The following BBS4 variants were observed in gnomAD, a reference collection of about 807,000 sequenced individuals.
BBS4 encodes BBSome complex member BBS4.
A neutral mutation model predicts 71.4 loss-of-function variants in BBS4; 58 were observed. That is an observed-to-expected ratio of 0.81 (90% CI 0.66 to 1.01). The LOEUF is 1.01. Ranked by LOEUF, BBS4 falls within the 50% of genes least tolerant of loss-of-function variation. The pLI is 0.00. For missense variants in BBS4, 660 were observed against 607.9 expected (o/e 1.09, Z -0.90); for synonymous variants, 228 against 216.8 (o/e 1.05, Z -0.46).
chr15:72,702,957 G>A (rs1476666418), intron 2 of BBS4, among the ~76,000 whole-genome samples: 13 of 149,996 alleles, frequency 8.7e-5, no homozygotes, highest in Admixed American at 6.7e-4. Flanking sequence ...ACAGGCGCCC[G>A]CCACTACGCC....
chr15:72,719,312 T>G (rs1469240264), intron 6 of BBS4, among the ~76,000 whole-genome samples: 1 of 150,672 alleles, frequency 6.6e-6, no homozygotes, highest in Non-Finnish European at 1.5e-5. Flanking sequence ...TGGAGTATAG[T>G]GGGGTGATCA....
chr15:72,714,348 C>G (rs1157958036), intron 4 of BBS4, among the ~76,000 whole-genome samples: 1 of 151,870 alleles, frequency 6.6e-6, no homozygotes, highest in Non-Finnish European at 1.5e-5. Flanking sequence ...GCCTCAGCCC[C>G]CCTATTAGCT....
intron 6 of BBS4, 101 bp from the exon 7 acceptor site, chr15:72,722,693 A>G (rs2065599086): frequency 9.3e-7 from 1 of 1,070,638 alleles, no homozygotes; most frequent in East Asian, 2.4e-5. Context: ...TAAAGTTTAA[A>G]CCTTGCCGAG....
At chr15:72,722,991 TTTAA>T in intron 7 of BBS4, 144 bp downstream of exon 7, 1 of 708,290 alleles carries the variant, frequency 1.4e-6, no homozygotes, top group East Asian at 2.7e-5. Context: ...TTTTTTCTGT[TTTAA>T]TTCTCACTTG....
chr15:72,736,087 C>T (rs1206570442), intron 14 of BBS4, 121 bp downstream of exon 14: 2 of 1,140,068 alleles, frequency 1.8e-6, no homozygotes, highest in African/African-American at 1.6e-5. Flanking sequence ...CTTTGATGTT[C>T]CTAGCAGCAT....
intron 1 of BBS4, among the ~76,000 whole-genome samples, chr15:72,692,461 G>A (rs917642621): frequency 2.7e-5 from 4 of 150,812 alleles, no homozygotes; most frequent in African/African-American, 7.3e-5. Flanking sequence ...GACCACAGGC[G>A]CAGGCCACAC....
Position 72,736,746 on chromosome 15 carries a change from C to T in BBS4, c.1249-16C>T, listed in dbSNP as rs367555365. The T allele has an allele frequency of 1.2e-6, 2 of 1,613,790 alleles. No homozygotes were observed. The highest frequency in any genetic ancestry group is 1.7e-6 in the Non-Finnish European group (2 of 1,179,834). Reference sequence around the variant, plus strand: ...AGTCACGCTTTTGATTCTTTTACTTCCTTTGTGGACACAAGATGGTGGAGA... The same window carrying T: ...AGTCACGCTTTTGATTCTTTTACTTTCTTTGTGGACACAAGATGGTGGAGA... On this transcript the variant is annotated splice_polypyrimidine_tract_variant and intron_variant, in intron 14 of 15. Coordinates refer to ENST00000268057, the MANE Select transcript of BBS4 (RefSeq NM_033028.5).
At chr15:72,690,702 C>T (rs1022330188) in intron 1 of BBS4, among the ~76,000 whole-genome samples, 3 of 152,122 alleles carry the variant, frequency 2.0e-5, no homozygotes, top group Non-Finnish European at 4.4e-5. Flanking sequence ...AAAACATGTC[C>T]ATCACTCCAG....
In BBS4 at chr15:72,736,979, G is replaced by A. The variant is rs1567435462; in HGVS notation, c.1450+16G>A. 6.2e-7 allele frequency: 1 copy of A among 1,613,330 alleles called. No homozygotes were observed. Among genetic ancestry groups the A allele is most frequent in the Admixed American group, 1.7e-5 (1 of 60,014 alleles). ...CTCCCCTCAGGTAGGACCATACAGA[G>A]CTCCATGAAGACCTGGCAGGTACAA... On this transcript the variant is annotated intron_variant, in intron 15 of 15. Transcript: ENST00000268057.
At chr15:72,721,485 T>A (rs767811237) in intron 6 of BBS4, among the ~76,000 whole-genome samples, 29 of 152,008 alleles carry the variant, frequency 1.9e-4, no homozygotes, top group Non-Finnish European at 3.2e-4. Context: ...AAAAAAAAAA[T>A]CCCAATACTC....
chr15:72,730,285 AAAAAAAAT>A (rs1324850195), intron 10 of BBS4, among the ~76,000 whole-genome samples: 3 of 147,626 alleles, frequency 2.0e-5, no homozygotes, highest in African/African-American at 5.0e-5. Context: ...TCTCAAAAAA[AAAAAAAAT>A]AAAAAATAAA....
At chr15:72,722,202 C>T (rs76532721) in intron 6 of BBS4, among the ~76,000 whole-genome samples, 1 of 152,214 alleles carries the variant, frequency 6.6e-6, no homozygotes, top group African/African-American at 2.4e-5. Flanking sequence ...CCATAGTTTT[C>T]CCATGTCAGC....
chr15:72,704,568 A>G, intron 2 of BBS4: 1 of 686,176 alleles, frequency 1.5e-6, no homozygotes, highest in Non-Finnish European at 2.2e-6. Flanking sequence ...TGATAAGTAG[A>G]TAATAATGGT....
intron 1 of BBS4, among the ~76,000 whole-genome samples, chr15:72,688,411 C>CTTTTTGTTTTTTTTTTTTTTTTT (rs2064915262): frequency 2.4e-5 from 2 of 83,052 alleles, no homozygotes; most frequent in East Asian, 5.2e-4. Flanking sequence ...GGTATTTTAT[C>CTTTTTGTTTTTTTTTTTTTTTTT]TTTTTTTTTT....
At position 72,736,807 on chromosome 15, in the gene BBS4, G is replaced by A. The variant is rs1567434989; in HGVS notation, c.1294G>A (p.Glu432Lys). The A allele has an allele frequency of 6.2e-7, 1 of 1,614,196 alleles. No individual in the cohort carries two copies. Among genetic ancestry groups the A allele is most frequent in the Admixed American group, 1.7e-5 (1 of 60,014 alleles). The change falls in exon 15 of 16, where the codon GAG becomes AAG. Residue 432 changes from glutamate (E) to lysine (K), a missense_variant. By Grantham distance (56) the Glu-to-Lys change is moderately conservative. Transcript: ENST00000268057. Reference sequence around the variant, plus strand: ...GTTGGGAGCTGCTCTCCAGGTTGGGGAGGCACTGGTCTGGACCAAACCAGT... The same window carrying A: ...GTTGGGAGCTGCTCTCCAGGTTGGGAAGGCACTGGTCTGGACCAAACCAGT... The part of the protein sequence containing the change: ...QKLGAALQVG[E>K]ALVWTKPVKD...
At chr15:72,710,367 A>C (rs1555499227) in intron 3 of BBS4, among the ~76,000 whole-genome samples, 1 of 151,300 alleles carries the variant, frequency 6.6e-6, no homozygotes, top group Non-Finnish European at 1.5e-5. Context: ...TGCCCAGCTA[A>C]TTTTTTGTAT....
At chr15:72,706,645 A>C (rs947886822) in intron 2 of BBS4, among the ~76,000 whole-genome samples, 12 of 152,150 alleles carry the variant, frequency 7.9e-5, no homozygotes, top group African/African-American at 2.9e-4. Flanking sequence ...GGCCCCAACG[A>C]CTAGAAGGGT....
Position 72,727,012 on chromosome 15 carries a change from A to G in BBS4, c.588-928A>G, listed in dbSNP as rs80107718. On this transcript the variant is annotated intron_variant, in intron 8 of 15. Coordinates refer to ENST00000268057, the MANE Select transcript of BBS4 (RefSeq NM_033028.5). ...TTGTAGTGGGGAAGCCAATATTGCTAGAATTACAGAAGTTACCTGGCTTTG... is the reference window on the plus strand; with the variant it reads ...TTGTAGTGGGGAAGCCAATATTGCTGGAATTACAGAAGTTACCTGGCTTTG... Among the ~76,000 whole-genome samples the G allele has an allele frequency of 2.3e-3, 349 of 152,316 alleles. 1 individual carries two copies. The highest frequency in any genetic ancestry group is 8.2e-3 in the African/African-American group (342 of 41,570).
chr15:72,729,602 GC>G lies in BBS4; in HGVS notation c.643-13del. 1 of 1,613,654 alleles carries G rather than the reference GC, an allele frequency of 6.2e-7. No individual in the cohort carries two copies. Among genetic ancestry groups the G allele is most frequent in the East Asian group, 2.2e-5 (1 of 44,862 alleles). ...CTTGCTGATGTAAATTGTCTTGTTT[GC>G]TTTTTTTCCAAGCTCGGCATTTACC... On this transcript the variant is annotated splice_polypyrimidine_tract_variant and intron_variant, in intron 9 of 15. Coordinates refer to ENST00000268057, the MANE Select transcript of BBS4 (RefSeq NM_033028.5).
Sources: allele counts gnomAD v4.1 joint callset (sites outside exome capture counted in the v4.1 genomes callset), GRCh38; gene constraint gnomAD v4.1.1; transcripts MANE v1.5; gene names NCBI Gene and HGNC (gene_info 2026-07-23, HGNC 2026-07-21).